Variants in ARHGAP29 observed in about 807,000 individuals in gnomAD.
ARHGAP29 encodes rho GTPase-activating protein 29.
A neutral mutation model predicts 122.6 loss-of-function variants in ARHGAP29; 43 were observed. The ratio of observed to expected loss-of-function variants is 0.35; its 90% CI spans 0.27 to 0.45. The LOEUF (loss-of-function observed/expected upper bound fraction) is 0.45, where lower values mean the gene tolerates loss of function less well. Ranked by LOEUF, ARHGAP29 falls within the 20% of genes least tolerant of loss-of-function variation. The probability of loss-of-function intolerance (pLI) is 1.00; values close to 1 mark genes in which losing one functional copy is unlikely to be tolerated. For missense variants in ARHGAP29, 1,303 were observed against 1,477.2 expected (o/e 0.88, Z 1.93); for synonymous variants, 506 against 497.1 (o/e 1.02, Z -0.24).
intron 12 of ARHGAP29, chr1:94,192,520 C>T (rs933870852): frequency 6.6e-6 from 1 of 152,146 alleles, no homozygotes; most frequent in African/African-American, 2.4e-5. Flanking sequence ...TCTCCTGCCC[C>T]AGACCCCAAG....
chr1:94,189,098 C>A, intron 14 of ARHGAP29, 118 bp downstream of exon 14: 1 of 1,403,086 alleles, frequency 7.1e-7, no homozygotes, highest in Non-Finnish European at 9.7e-7. Context: ...AATAAGATCT[C>A]ATAAACTTAC....
intron 16 of ARHGAP29, 47 bp from the exon 17 acceptor site, chr1:94,185,528 T>C (rs1047846995): frequency 3.4e-6 from 5 of 1,473,242 alleles, no homozygotes; most frequent in South Asian, 1.4e-5. Context: ...ATAGAAAAAT[T>C]ATACCATGTG....
chr1:94,196,541 G>A (rs1246713647), intron 12 of ARHGAP29, among the ~76,000 whole-genome samples: 1 of 151,988 alleles, frequency 6.6e-6, no homozygotes, highest in African/African-American at 2.4e-5. Context: ...GATTACAGGC[G>A]TGAGCCACCG....
chr1:94,264,497 T>C (rs2100721119), intron 1 of ARHGAP29, among the ~76,000 whole-genome samples: 1 of 152,284 alleles, frequency 6.6e-6, no homozygotes, highest in South Asian at 2.1e-4. Context: ...GTTTGGGCAG[T>C]GGTTCTCCCT....
chr1:94,214,337 T>G (rs1181512147), intron 3 of ARHGAP29, among the ~76,000 whole-genome samples: 1 of 152,226 alleles, frequency 6.6e-6, no homozygotes, highest in Non-Finnish European at 1.5e-5. Flanking sequence ...GCTCTCATCT[T>G]GGCTTTCTTT....
At chr1:94,207,318 G>T (rs546154732) in intron 5 of ARHGAP29, among the ~76,000 whole-genome samples, 12 of 151,732 alleles carry the variant, frequency 7.9e-5, no homozygotes, top group African/African-American at 2.7e-4. Context: ...ATTTTTAAAG[G>T]GTATTTTTCA....
chr1:94,201,990 A>C (rs938244087), intron 11 of ARHGAP29, 133 bp from the exon 12 acceptor site: 2 of 898,606 alleles, frequency 2.2e-6, no homozygotes, highest in Non-Finnish European at 3.3e-6. Flanking sequence ...TTCTGAAGTT[A>C]ATCTGTTCTG....
chr1:94,256,536 CTTTTTTTTTTTTTTTTTTT>C (rs530295333), intron 1 of ARHGAP29, among the ~76,000 whole-genome samples: 343 of 45,302 alleles, frequency 7.6e-3, no homozygotes, highest in East Asian at 0.063. Flanking sequence ...CAGTACTAAT[CTTTTTTTTTTTTTTTTTTT>C]TTTTTTTTTT....
intron 1 of ARHGAP29, among the ~76,000 whole-genome samples, chr1:94,243,641 C>G (rs527898388): frequency 1.3e-5 from 2 of 151,840 alleles, no homozygotes; most frequent in African/African-American, 4.8e-5. Context: ...AGCTAGAAAA[C>G]AAAGAGCAAA....
At chr1:94,294,491 T>A in the ARHGAP29 span, among the ~76,000 whole-genome samples, 89 of 152,254 alleles carry the variant, frequency 5.8e-4, no homozygotes, top group Admixed American at 1.4e-3. Context: ...TCTTGCTGTG[T>A]TGAGCAGGCT....
intron 1 of ARHGAP29, among the ~76,000 whole-genome samples, chr1:94,262,296 T>C (rs1654590142): frequency 6.6e-6 from 1 of 151,940 alleles, no homozygotes; most frequent in East Asian, 1.9e-4. Context: ...CTCAAAACTA[T>C]GAAAACCCTG....
chr1:94,238,879 C>T (rs980159782), upstream of ARHGAP29, among the ~76,000 whole-genome samples: 2 of 152,106 alleles, frequency 1.3e-5, no homozygotes, highest in African/African-American at 4.8e-5. Flanking sequence ...GGACATCTTA[C>T]ATAGACATAT....
chr1:94,286,696 C>T, the ARHGAP29 span, among the ~76,000 whole-genome samples: 9 of 151,676 alleles, frequency 5.9e-5, no homozygotes, highest in Admixed American at 6.6e-5. Flanking sequence ...AAAGTGAGGT[C>T]AGAAGAAACA....
intron 2 of ARHGAP29, among the ~76,000 whole-genome samples, chr1:94,228,986 G>A (rs1040998795): frequency 6.6e-6 from 1 of 151,698 alleles, no homozygotes; most frequent in Non-Finnish European, 1.5e-5. Context: ...TAACAAACGT[G>A]AATTAAAAGG....
the ARHGAP29 span, among the ~76,000 whole-genome samples, chr1:94,293,951 C>T: frequency 6.6e-6 from 1 of 152,200 alleles, no homozygotes; most frequent in South Asian, 2.1e-4. Flanking sequence ...TCCCAATCCT[C>T]TAATCATGGC....
At chr1:94,298,488 G>A in the ARHGAP29 span, among the ~76,000 whole-genome samples, 3 of 152,160 alleles carry the variant, frequency 2.0e-5, no homozygotes, top group African/African-American at 4.8e-5. Context: ...CATTAGAGAC[G>A]TGAGGATTAC....
intron 1 of ARHGAP29, among the ~76,000 whole-genome samples, chr1:94,251,703 T>A (rs1202402503): frequency 6.6e-6 from 1 of 152,206 alleles, no homozygotes; most frequent in African/African-American, 2.4e-5. Flanking sequence ...TTCCCATACA[T>A]CTACGTGACT....
Position 94,202,653 on chromosome 1 carries a change from G to T in ARHGAP29, c.1034C>A (p.Ser345Tyr). 1.9e-6 allele frequency: 3 copies of T among 1,614,114 alleles called. No homozygotes were observed. Among genetic ancestry groups the T allele is most frequent in the Non-Finnish European group, 1.7e-6 (2 of 1,180,034 alleles). Residue 345 changes from serine to tyrosine, a missense_variant, in exon 11 of 23, where the codon TCC (serine) becomes TAC (tyrosine). By Grantham distance (144) the Ser-to-Tyr change is moderately radical. Coordinates refer to ENST00000260526, the MANE Select transcript of ARHGAP29 (RefSeq NM_004815.4). Reference sequence around the variant, plus strand: ...ATGCTCCTCTTCTGCACGAAACATGGAAGACTTTGCTTTCTCATATTCATC... The same window carrying T: ...ATGCTCCTCTTCTGCACGAAACATGTAAGACTTTGCTTTCTCATATTCATC... The part of the protein sequence containing the change: ...RQDEYEKAKS[S>Y]MFRAEEEHLS...
At chr1:94,202,042 T>C in intron 11 of ARHGAP29, 185 bp from the exon 12 acceptor site, 2 of 558,480 alleles carry the variant, frequency 3.6e-6, no homozygotes, top group East Asian at 3.1e-5. Flanking sequence ...GACAGCCATG[T>C]ACAATTTATA....
Sources: allele counts gnomAD v4.1 joint callset (sites outside exome capture counted in the v4.1 genomes callset), GRCh38; gene constraint gnomAD v4.1.1; transcripts MANE v1.5; gene names NCBI Gene and HGNC (gene_info 2026-07-23, HGNC 2026-07-21).